PCGF5: variants seen among roughly 807,000 people sequenced by gnomAD.
The protein encoded by PCGF5 is polycomb group ring finger 5.
PCGF5 carries 9 observed loss-of-function variants against 44.3 expected under a neutral mutation model. The ratio of observed to expected loss-of-function variants is 0.20; its 90% CI spans 0.12 to 0.35. The LOEUF (loss-of-function observed/expected upper bound fraction) is 0.35. Ranked by LOEUF, PCGF5 falls within the 10% of genes least tolerant of loss-of-function variation. The pLI is 1.00. For synonymous variants in PCGF5, 95 were observed against 102.5 expected (o/e 0.93, Z 0.44); for missense variants, 146 against 305.3 (o/e 0.48, Z 3.89).
upstream of PCGF5, among the ~76,000 whole-genome samples, chr10:91,159,850 G>A (rs563409018): frequency 2.6e-5 from 4 of 152,170 alleles, no homozygotes; most frequent in Non-Finnish European, 5.9e-5. Context: ...TAATGCCCAT[G>A]TTTAATCATT....
intron 6 of PCGF5, among the ~76,000 whole-genome samples, chr10:91,256,945 A>T (rs1845766984): frequency 6.6e-6 from 1 of 152,126 alleles, no homozygotes; most frequent in Admixed American, 6.6e-5. Flanking sequence ...CAACAAAAGA[A>T]AAGAAATAGA....
chr10:91,268,356 C>T (rs1166071580), intron 8 of PCGF5, among the ~76,000 whole-genome samples: 1 of 152,110 alleles, frequency 6.6e-6, no homozygotes, highest in Non-Finnish European at 1.5e-5. Flanking sequence ...AGGGAAAAAT[C>T]CCCAATTATT....
chr10:91,158,884 A>G (rs898317001), upstream of PCGF5, among the ~76,000 whole-genome samples: 16 of 152,236 alleles, frequency 1.1e-4, no homozygotes, highest in Admixed American at 7.2e-4. Context: ...AAATTTTACT[A>G]TATCAGAACT....
intron 8 of PCGF5, among the ~76,000 whole-genome samples, chr10:91,266,302 C>T (rs1434313303): frequency 6.6e-6 from 1 of 152,152 alleles, no homozygotes; most frequent in Non-Finnish European, 1.5e-5. Context: ...ACAAGTGGCT[C>T]ACTTGTTCTT....
At chr10:91,209,242 T>C (rs980935771) in intron 1 of PCGF5, among the ~76,000 whole-genome samples, 5 of 152,224 alleles carry the variant, frequency 3.3e-5, no homozygotes, top group African/African-American at 1.2e-4. Flanking sequence ...ATTATGTTAA[T>C]TGATGGAATC....
chr10:91,184,958 C>G (rs1380558368), intron 1 of PCGF5, among the ~76,000 whole-genome samples: 1 of 152,186 alleles, frequency 6.6e-6, no homozygotes, highest in Non-Finnish European at 1.5e-5. Flanking sequence ...GCTGGAGACC[C>G]CAGTTGTGAG....
upstream of PCGF5, among the ~76,000 whole-genome samples, chr10:91,159,990 A>G (rs995714155): frequency 6.6e-6 from 1 of 152,204 alleles, no homozygotes; most frequent in Admixed American, 6.5e-5. Context: ...AATCATATCT[A>G]TATTTAATAC....
chr10:91,225,286 T>G (rs1844797378), intron 2 of PCGF5, among the ~76,000 whole-genome samples: 1 of 147,834 alleles, frequency 6.8e-6, no homozygotes, highest in Non-Finnish European at 1.5e-5. Context: ...ATATCATATA[T>G]AACATATATA....
chr10:91,264,472 T>C lies in PCGF5; in HGVS notation c.615T>C (p.His205=). 6.2e-7 allele frequency: 1 copy of C among 1,611,912 alleles called. No homozygotes were observed. Among genetic ancestry groups the C allele is most frequent in the Non-Finnish European group, 8.5e-7 (1 of 1,179,224 alleles). The change falls in exon 8 of 10, where the codon CAT becomes CAC. Residue 205 remains histidine, a synonymous_variant. Coordinates refer to ENST00000336126, the MANE Select transcript of PCGF5 (RefSeq NM_032373.5). The part of the protein sequence containing the change: ...LCNGEIMGKD[H]TMEFIYMTRW... ...ATGGTGAAATTATGGGGAAGGATCA[T>C]ACTATGGAATTCATCTACATGACAA...
intron 2 of PCGF5, among the ~76,000 whole-genome samples, chr10:91,224,994 CA>C (rs1275147879): frequency 6.6e-6 from 1 of 152,050 alleles, no homozygotes; most frequent in East Asian, 1.9e-4. Flanking sequence ...ATTCATCCAG[CA>C]AAAACTGTCA....
chr10:91,157,519 C>T, the PCGF5 span, among the ~76,000 whole-genome samples: 11 of 152,268 alleles, frequency 7.2e-5, no homozygotes, highest in African/African-American at 2.6e-4. Context: ...AAACCATTAG[C>T]AACCTATTGT....
At chr10:91,265,628 C>T (rs1846032625) in intron 8 of PCGF5, among the ~76,000 whole-genome samples, 1 of 151,934 alleles carries the variant, frequency 6.6e-6, no homozygotes, top group African/African-American at 2.4e-5. Context: ...ATTTCCAAAA[C>T]ATATTTATAT....
chr10:91,221,196 T>C (rs1434740629), intron 1 of PCGF5, among the ~76,000 whole-genome samples: 1 of 152,124 alleles, frequency 6.6e-6, no homozygotes, highest in Non-Finnish European at 1.5e-5. Context: ...AGTTCCCCCT[T>C]GCCCCCGCCC....
chr10:91,206,541 G>T (rs879779924), intron 1 of PCGF5, among the ~76,000 whole-genome samples: 1 of 152,134 alleles, frequency 6.6e-6, no homozygotes, highest in African/African-American at 2.4e-5. Context: ...GTGCACTTAG[G>T]AGAGTACACT....
In PCGF5 at chr10:91,232,720, G is replaced by A. The variant is rs571266157; in HGVS notation, c.113-7764G>A. Among the ~76,000 whole-genome samples, 13 of 152,260 alleles carry A rather than the reference G, an allele frequency of 8.5e-5. No individual in the cohort carries two copies. In the South Asian group the frequency reaches 2.7e-3, roughly 32 times the overall value. ...TGCTAGTAGGTGAATAGGTGTGGTG[G>A]TAAAAGTTCTCTTTGTTTCAGTTAT... On this transcript the variant is annotated intron_variant, in intron 2 of 9. Transcript: ENST00000336126.
chr10:91,173,407 G>C (rs1843646711), intron 1 of PCGF5, among the ~76,000 whole-genome samples: 2 of 152,030 alleles, frequency 1.3e-5, no homozygotes, highest in Non-Finnish European at 2.9e-5. Flanking sequence ...AAAAGTTTTT[G>C]TATTGTAAAA....
chr10:91,261,561 T>A, intron 7 of PCGF5, 137 bp downstream of exon 7: 4 of 1,133,224 alleles, frequency 3.5e-6, no homozygotes, highest in Non-Finnish European at 4.6e-6. Context: ...AAAAATTTAA[T>A]TTTCAGAATG....
intron 8 of PCGF5, among the ~76,000 whole-genome samples, chr10:91,268,249 C>T (rs540315818): frequency 1.3e-5 from 2 of 152,212 alleles, no homozygotes; most frequent in East Asian, 3.9e-4. Context: ...CAGTTGTCTA[C>T]TTTCTTTGGG....
rs1325493864 is a variant in PCGF5 at position 91,280,611 on chromosome 10, T to C, written c.*2295T>C. On this transcript the variant is annotated 3_prime_UTR_variant, in exon 10 of 10. Coordinates refer to ENST00000336126, the MANE Select transcript of PCGF5 (RefSeq NM_032373.5). ...GTTGTCGTTTGGAGAAAGGTACACA[T>C]TTTTTTGATGGTCCTAAGTGATATG... is the stretch of plus-strand genomic sequence containing the variant. 1 of 152,490 alleles carries C rather than the reference T, an allele frequency of 6.6e-6. No individual in the cohort carries two copies. The highest frequency in any genetic ancestry group is 1.5e-5 in the Non-Finnish European group (1 of 67,888). 9.4% of individuals were successfully genotyped at this position (152,490 alleles called of 1,614,324 possible).
Sources: allele counts gnomAD v4.1 joint callset (sites outside exome capture counted in the v4.1 genomes callset), GRCh38; gene constraint gnomAD v4.1.1; transcripts MANE v1.5; gene names NCBI Gene and HGNC (gene_info 2026-07-23, HGNC 2026-07-21).